MTG2: variants seen among roughly 807,000 people sequenced by gnomAD.
The protein encoded by MTG2 is mitochondrial ribosome associated GTPase 2.
MTG2 carries 23 observed loss-of-function variants against 28.6 expected under a neutral mutation model. The observed-to-expected ratio is 0.80, with a 90% CI of 0.58 to 1.14. The LOEUF (loss-of-function observed/expected upper bound fraction) is 1.14, where lower values mean the gene tolerates loss of function less well. Among genes scored for constraint, MTG2 ranks in the 50% most tolerant of loss-of-function variants. MTG2 has a pLI of 0.00. For missense variants in MTG2, 539 were observed against 552.0 expected, an observed-to-expected ratio of 0.98 and a Z score of 0.24; for synonymous variants, 260 against 251.8, an observed-to-expected ratio of 1.03 and a Z score of -0.31.
At chr20:62,196,105 A>T (rs1211037969) in intron 3 of MTG2, among the ~76,000 whole-genome samples, 156 bp downstream of exon 3, 1 of 152,010 alleles carries the variant, frequency 6.6e-6, no homozygotes, top group Non-Finnish European at 1.5e-5. Context: ...TTGAGCCCAT[A>T]AGTTCAAGAC....
chr20:62,187,416 T>C (rs1274499656), intron 1 of MTG2, among the ~76,000 whole-genome samples: 1 of 152,244 alleles, frequency 6.6e-6, no homozygotes, highest in African/African-American at 2.4e-5. Context: ...TTGGCACTGT[T>C]TCTTCCTGGA....
chr20:62,185,295 C>T (rs147814447), intron 1 of MTG2, among the ~76,000 whole-genome samples: 2 of 151,912 alleles, frequency 1.3e-5, no homozygotes, highest in African/African-American at 4.8e-5. Context: ...AGCTGTAATC[C>T]CAGCTACTCG....
intron 2 of MTG2, 46 bp from the exon 3 acceptor site, chr20:62,195,756 G>T: frequency 6.2e-7 from 1 of 1,610,620 alleles, no homozygotes; most frequent in East Asian, 2.2e-5. Context: ...GTCTTGAAAG[G>T]ACCTTGGAGT....
rs2058189059 is a variant in MTG2, at chr20:62,202,490, T to G, written c.*1413T>G. 1 of 153,298 alleles carries G rather than the reference T, an allele frequency of 6.5e-6. No individual in the cohort carries two copies. The highest frequency in any genetic ancestry group is 1.4e-5 in the Non-Finnish European group (1 of 69,176). The allele number at this position is 153,298 out of a possible 1,614,324, so 9.5% of individuals were successfully genotyped here. A position where few individuals can be genotyped will look rare whatever the true frequency, so the allele number is the denominator to read the frequency against. On this transcript the variant is annotated 3_prime_UTR_variant, in exon 7 of 7. Coordinates refer to ENST00000370823, the MANE Select transcript of MTG2 (RefSeq NM_015666.4). ...AGAACATTCTGGGCACGGTGGCTCA[T>G]GCCTGTAGTCCCAGCACTTTGGGAG... is the stretch of plus-strand genomic sequence containing the variant.
chr20:62,189,229 C>T (rs1230523717), intron 1 of MTG2, among the ~76,000 whole-genome samples: 2 of 151,376 alleles, frequency 1.3e-5, no homozygotes, highest in Non-Finnish European at 2.9e-5. Flanking sequence ...CTCTTAAGTA[C>T]AGGAAGTCAA....
intron 3 of MTG2, among the ~76,000 whole-genome samples, chr20:62,196,643 C>T (rs2058064101): frequency 6.6e-6 from 1 of 152,060 alleles, no homozygotes; most frequent in Non-Finnish European, 1.5e-5. Context: ...GCACTCCAGC[C>T]TGGCCAACAG....
At chr20:62,197,535 C>T in intron 3 of MTG2, 1 of 202,954 alleles carries the variant, frequency 4.9e-6, no homozygotes, top group Non-Finnish European at 1.0e-5. Flanking sequence ...TCGGTGGGTG[C>T]CGCTGGCTGC....
chr20:62,189,059 A>G (rs1478288101), intron 1 of MTG2, among the ~76,000 whole-genome samples: 2 of 152,094 alleles, frequency 1.3e-5, no homozygotes, highest in African/African-American at 2.4e-5. Flanking sequence ...GTGGTGGCTC[A>G]TGCTTGTAAT....
Position 62,201,586 on chromosome 20 carries a change from C to T in MTG2, c.*509C>T, listed in dbSNP as rs576689818. 457 of 153,240 alleles carry T rather than the reference C, an allele frequency of 3.0e-3. 2 individuals are homozygous for T. Among genetic ancestry groups the T allele is most frequent in the African/African-American group, 0.011 (440 of 41,560 alleles). 9.5% of individuals were successfully genotyped at this position (153,240 alleles called of 1,614,324 possible). On this transcript the variant is annotated 3_prime_UTR_variant, in exon 7 of 7. Transcript: ENST00000370823. ...CCAGCAGCCCTGCGGTACCGCAAGC[C>T]CAGGCACCAGTGTCTCGGGGGGCCT...
chr20:62,184,947 T>G (rs1332233432), intron 1 of MTG2, among the ~76,000 whole-genome samples: 4 of 151,390 alleles, frequency 2.6e-5, no homozygotes, highest in African/African-American at 9.7e-5. Flanking sequence ...CCGTCTCTAT[T>G]AAAAATACAA....
intron 3 of MTG2, chr20:62,197,576 A>T (rs1277689376): frequency 2.8e-6 from 1 of 355,388 alleles, no homozygotes; most frequent in African/African-American, 2.1e-5. Flanking sequence ...ATAGACGCAT[A>T]GCGAGCTGGG....
chr20:62,195,154 C>T (rs2058036673), intron 2 of MTG2, among the ~76,000 whole-genome samples: 1 of 152,176 alleles, frequency 6.6e-6, no homozygotes, highest in South Asian at 2.1e-4. Flanking sequence ...CGAGATCCCA[C>T]CGTTGCACTC....
chr20:62,198,555 G>T (rs993315636), intron 4 of MTG2, 79 bp from the exon 5 acceptor site: 2 of 1,440,850 alleles, frequency 1.4e-6, no homozygotes, highest in Non-Finnish European at 1.9e-6. Flanking sequence ...TTTCCTTAGC[G>T]CTTGCTTCAG....
chr20:62,193,917 T>G, intron 2 of MTG2: 1 of 323,524 alleles, frequency 3.1e-6, no homozygotes, highest in Non-Finnish European at 5.8e-6. Flanking sequence ...CATATATCCT[T>G]TCATATGTGT....
chr20:62,190,191 G>C (rs915425567), intron 1 of MTG2, among the ~76,000 whole-genome samples: 1 of 152,178 alleles, frequency 6.6e-6, no homozygotes, highest in Non-Finnish European at 1.5e-5. Context: ...AGCCTTCACT[G>C]TCTGCTCAGA....
chr20:62,193,522 A>G lies in MTG2; in HGVS notation c.102A>G (p.Leu34=), dbSNP rs769032895. 3 of 1,614,050 alleles carry G rather than the reference A, an allele frequency of 1.9e-6. No homozygotes were observed. Among genetic ancestry groups the G allele is most frequent in the Non-Finnish European group, 2.5e-6 (3 of 1,179,998 alleles). ...GGGCTGGCCTGAAGCCCAGCCGGCT[A>G]CTGCCACAGCGGGCTTCTCCCAGGC... The part of the protein sequence containing the change: ...STWAGLKPSR[L]LPQRASPRLL... Residue 34 remains leucine, a synonymous_variant, in exon 2 of 7, where the codon CTA becomes CTG. Transcript: ENST00000370823.
rs372527967 is a variant in MTG2, at chr20:62,200,696, C to T, written c.840C>T (p.Pro280=). Reference sequence around the variant, plus strand: ...TCTTCCCTGCAGTGGCCGACATCCCCGGCATCATACGAGGCGCCCACCAGA... The same window carrying T: ...TCTTCCCTGCAGTGGCCGACATCCCTGGCATCATACGAGGCGCCCACCAGA... ...GHLQIAVADI[P]GIIRGAHQNR... Residue 280 remains proline, a synonymous_variant, in exon 7 of 7, where the codon CCC becomes CCT. Transcript: ENST00000370823. The T allele has an allele frequency of 8.1e-5, 130 of 1,609,002 alleles. No individual in the cohort carries two copies. The highest frequency in any genetic ancestry group is 5.0e-4 in the Middle Eastern group (3 of 6,046).
At position 62,201,035 on chromosome 20, in the gene MTG2, G is replaced by A. The variant is rs767461500; in HGVS notation, c.1179G>A (p.Ala393=). ...TGAAGGTGCTGTATGACGCCTACGCGGAGGCCGAGCTGGGCCAGGGCCGCC... is the reference window on the plus strand; with the variant it reads ...TGAAGGTGCTGTATGACGCCTACGCAGAGGCCGAGCTGGGCCAGGGCCGCC... The part of the protein sequence containing the change: ...LHLKVLYDAY[A]EAELGQGRQP... The change falls in exon 7 of 7, where the codon GCG becomes GCA. Residue 393 remains alanine, a synonymous_variant. Coordinates refer to ENST00000370823, the MANE Select transcript of MTG2 (RefSeq NM_015666.4). The A allele has an allele frequency of 1.4e-5, 22 of 1,607,706 alleles. No homozygotes were observed. Among genetic ancestry groups the A allele is most frequent in the East Asian group, 4.5e-5 (2 of 44,804 alleles).
At chr20:62,200,631 G>T in intron 6 of MTG2, 52 bp from the exon 7 acceptor site, 1 of 1,523,174 alleles carries the variant, frequency 6.6e-7, no homozygotes, top group South Asian at 1.3e-5. Flanking sequence ...AGGCGCTCTT[G>T]GGTGCTGGGT....
Sources: allele counts gnomAD v4.1 joint callset (sites outside exome capture counted in the v4.1 genomes callset), GRCh38; gene constraint gnomAD v4.1.1; transcripts MANE v1.5; gene names NCBI Gene and HGNC (gene_info 2026-07-23, HGNC 2026-07-21).